NHS: variants seen among roughly 807,000 people sequenced by gnomAD.
The protein encoded by NHS is NHS actin remodeling regulator, also known as actin remodeling regulator NHS.
NHS carries 5 observed loss-of-function variants against 72.5 expected under a neutral mutation model. The ratio of observed to expected loss-of-function variants is 0.07; its 90% CI spans 0.04 to 0.14. The LOEUF is 0.14. NHS is among the 10% of genes least tolerant of loss of function. The pLI is 1.00. For missense variants in NHS, 1,072 were observed against 1,355.7 expected, an observed-to-expected ratio of 0.79 and a Z score of 3.29; for synonymous variants, 464 against 547.7, an observed-to-expected ratio of 0.85 and a Z score of 2.13.
chrX:17,657,783 TG>T (rs980779640), intron 1 of NHS, among the ~76,000 whole-genome samples: 1 of 112,815 alleles, frequency 8.9e-6, no homozygotes, highest in Non-Finnish European at 1.9e-5. Context: ...GCCATATGTA[TG>T]GGGCTTCCTC....
At chrX:17,652,953 T>C (rs1046349796) in intron 1 of NHS, among the ~76,000 whole-genome samples, 1 of 111,333 alleles carries the variant, frequency 9.0e-6, no homozygotes, top group Non-Finnish European at 1.9e-5. Flanking sequence ...GTCCTTAGAA[T>C]GTCAGCTCCA....
intron 1 of NHS, among the ~76,000 whole-genome samples, chrX:17,388,723 G>T (rs751565388): frequency 3.3e-4 from 36 of 110,088 alleles, no homozygotes; most frequent in African/African-American, 1.2e-3. Flanking sequence ...GTCATTGAAG[G>T]CTTTTAAGCC....
intron 1 of NHS, among the ~76,000 whole-genome samples, chrX:17,385,391 G>A (rs1056834510): frequency 1.8e-4 from 20 of 111,448 alleles, no homozygotes; most frequent in Admixed American, 4.8e-4. Context: ...GTATGTGCCC[G>A]TAGTCCCATC....
In NHS at chrX:17,447,773, GCACACACACACGCACACACACACACA is replaced by G. The variant is rs1429366461; in HGVS notation, c.565+71463_565+71488del. ...ACTTTGGCCACACACACACACACAC[GCACACACACACGCACACACACACACA>G]CACACACACACACACACACAGAGGA... On this transcript the variant is annotated intron_variant, in intron 1 of 8. Coordinates refer to ENST00000676302, the MANE Select transcript of NHS (RefSeq NM_001291867.2). 7.7e-5 allele frequency among the ~76,000 whole-genome samples: 6 copies of G among 77,997 alleles called. No individual in the cohort carries two copies. The East Asian group carries it at 1.6e-3, about 21-fold the overall frequency. 67.7% of individuals were successfully genotyped at this position (77,997 alleles called of 115,157 possible). A position where few individuals can be genotyped will look rare whatever the true frequency, so the allele number is the denominator to read the frequency against.
At chrX:17,598,937 G>A (rs1159140262) in intron 1 of NHS, among the ~76,000 whole-genome samples, 2 of 111,094 alleles carry the variant, frequency 1.8e-5, no homozygotes, top group Admixed American at 9.5e-5. Context: ...AGGATAACCC[G>A]TATACTGATT....
At chrX:17,389,952 G>GA (rs1267625102) in intron 1 of NHS, among the ~76,000 whole-genome samples, 3,561 of 95,689 alleles carry the variant, frequency 0.037, 166 homozygotes, top group African/African-American at 0.12. Context: ...TAAAAAAAAT[G>GA]AAAAAAAAAA....
intron 1 of NHS, among the ~76,000 whole-genome samples, chrX:17,641,454 C>A (rs1428763205): frequency 2.7e-5 from 3 of 111,852 alleles, no homozygotes; most frequent in Non-Finnish European, 5.6e-5. Context: ...GTGGCTGGAG[C>A]CCTCTGTAGG....
At chrX:17,399,982 GA>G (rs1376334131) in intron 1 of NHS, among the ~76,000 whole-genome samples, 1 of 111,898 alleles carries the variant, frequency 8.9e-6, no homozygotes, top group East Asian at 2.8e-4. Flanking sequence ...GTGAAAGATT[GA>G]ATGCTTTCCC....
intron 1 of NHS, among the ~76,000 whole-genome samples, chrX:17,606,992 GCA>G (rs2065683302): frequency 1.8e-5 from 2 of 112,273 alleles, no homozygotes; most frequent in African/African-American, 6.5e-5. Context: ...GGCACATGGG[GCA>G]CAGAGTACAT....
intron 1 of NHS, among the ~76,000 whole-genome samples, chrX:17,516,571 G>GCGCA (rs1283720087): frequency 2.5e-4 from 23 of 91,773 alleles, no homozygotes; most frequent in Admixed American, 1.9e-3. Context: ...ACACACACGC[G>GCGCA]CACACACACA....
chrX:17,537,225 CA>C (rs1350971771), intron 1 of NHS, among the ~76,000 whole-genome samples: 2 of 112,030 alleles, frequency 1.8e-5, no homozygotes, highest in African/African-American at 6.5e-5. Context: ...GTTTTGGAAT[CA>C]GCAAAACTGA....
In NHS at chrX:17,726,575, T is replaced by C. The variant is rs372357507; in HGVS notation, c.2469T>C (p.Asp823=). The change falls in exon 7 of 9, where the codon GAT becomes GAC. Residue 823 remains aspartate (D), a synonymous_variant. Transcript: ENST00000676302. Reference sequence around the variant, plus strand: ...TAGGGGCTTCCCCTGGTCTTCCAGATTGTGCCTGGCAGGACTACTTAGACC... The same window carrying C: ...TAGGGGCTTCCCCTGGTCTTCCAGACTGTGCCTGGCAGGACTACTTAGACC... ...QGVGASPGLP[D]CAWQDYLDHK... is the part of the protein sequence containing the mutation. 6.9e-5 allele frequency: 83 copies of C among 1,210,326 alleles called. No individual in the cohort carries two copies. The highest frequency in any genetic ancestry group is 9.0e-5 in the Non-Finnish European group (81 of 895,342).
At chrX:17,604,910 C>T (rs1201951479) in intron 1 of NHS, among the ~76,000 whole-genome samples, 1 of 111,976 alleles carries the variant, frequency 8.9e-6, no homozygotes, top group Admixed American at 9.4e-5. Flanking sequence ...CCTCGGGTGT[C>T]TCACAACTGT....
intron 1 of NHS, among the ~76,000 whole-genome samples, chrX:17,384,900 T>C (rs1325978775): frequency 8.9e-6 from 1 of 112,260 alleles, no homozygotes; most frequent in Non-Finnish European, 1.9e-5. Flanking sequence ...TATTAAAAAA[T>C]CATAGGAGGA....
At chrX:17,661,214 G>C (rs1315820402) in intron 1 of NHS, among the ~76,000 whole-genome samples, 1 of 111,627 alleles carries the variant, frequency 9.0e-6, no homozygotes, top group Non-Finnish European at 1.9e-5. Flanking sequence ...TTTCTGAAAA[G>C]GCAGGAGCAT....
At chrX:17,421,809 T>G (rs1335634080) in intron 1 of NHS, among the ~76,000 whole-genome samples, 2 of 111,952 alleles carry the variant, frequency 1.8e-5, no homozygotes, top group Admixed American at 1.9e-4. Flanking sequence ...ACTCCTGACC[T>G]CAGGTGATCC....
chrX:17,596,370 G>A (rs2065624332), intron 1 of NHS, among the ~76,000 whole-genome samples: 2 of 112,141 alleles, frequency 1.8e-5, no homozygotes, highest in African/African-American at 6.5e-5. Flanking sequence ...TGCAGCCAAT[G>A]GGACTAATTC....
intron 1 of NHS, among the ~76,000 whole-genome samples, chrX:17,669,957 C>T (rs2066034660): frequency 8.9e-6 from 1 of 112,030 alleles, no homozygotes; most frequent in South Asian, 3.9e-4. Context: ...GAAACTTCTG[C>T]AGTATGTTGT....
chrX:17,712,369 C>T (rs1206131025), intron 3 of NHS, among the ~76,000 whole-genome samples: 2 of 84,122 alleles, frequency 2.4e-5, no homozygotes, highest in African/African-American at 5.8e-5. Flanking sequence ...TATACACACA[C>T]ACACACACAC....
Sources: allele counts gnomAD v4.1 joint callset (sites outside exome capture counted in the v4.1 genomes callset), GRCh38; gene constraint gnomAD v4.1.1; transcripts MANE v1.5; gene names NCBI Gene and HGNC (gene_info 2026-07-23, HGNC 2026-07-21).